Variants in GARNL3 observed in about 807,000 individuals in gnomAD.
GARNL3 encodes the protein GTPase activating Rap/RanGAP domain like 3.
Under a neutral mutation model 125.0 loss-of-function variants are expected in GARNL3, and 63 were observed. The ratio of observed to expected loss-of-function variants is 0.50; its 90% CI spans 0.41 to 0.62. GARNL3 has a LOEUF of 0.62. Ranked by LOEUF, GARNL3 falls within the 20% of genes least tolerant of loss-of-function variation. The pLI is 0.00. For synonymous variants in GARNL3, 439 were observed against 457.5 expected, an observed-to-expected ratio of 0.96 and a Z score of 0.52; for missense variants, 994 against 1,244.0, an observed-to-expected ratio of 0.80 and a Z score of 3.02.
intron 1 of GARNL3, among the ~76,000 whole-genome samples, chr9:127,269,786 G>GTTTTTTGTGT (rs1554896116): frequency 0.022 from 2,882 of 129,778 alleles, 88 homozygotes; most frequent in African/African-American, 0.082. Flanking sequence ...TGTTTTTTGT[G>GTTTTTTGTGT]TTTTTTTTTT....
chr9:127,314,946 T>C (rs1428249155), intron 4 of GARNL3, among the ~76,000 whole-genome samples: 1 of 152,182 alleles, frequency 6.6e-6, no homozygotes, highest in Non-Finnish European at 1.5e-5. Flanking sequence ...TCAGAGAGTG[T>C]TCCAGGTAGA....
intron 22 of GARNL3, chr9:127,367,373 A>C (rs1413486122): frequency 6.6e-6 from 1 of 152,244 alleles, no homozygotes; most frequent in Admixed American, 6.5e-5. Flanking sequence ...TTCTGTATTA[A>C]AAATAAAGCA....
chr9:127,292,982 G>A (rs567136886), intron 2 of GARNL3, among the ~76,000 whole-genome samples: 24 of 152,290 alleles, frequency 1.6e-4, no homozygotes, highest in African/African-American at 4.1e-4. Context: ...AACACAGTCC[G>A]TCTCAAATTG....
chr9:127,278,833 TC>T (rs1376640008), intron 1 of GARNL3, among the ~76,000 whole-genome samples: 2 of 152,130 alleles, frequency 1.3e-5, no homozygotes, highest in African/African-American at 4.8e-5. Context: ...GCGGCGGCAA[TC>T]CTTAACCCCC....
chr9:127,226,938 C>G (rs1040552241), intron 1 of GARNL3, among the ~76,000 whole-genome samples: 1 of 152,214 alleles, frequency 6.6e-6, no homozygotes, highest in Non-Finnish European at 1.5e-5. Context: ...AGCGCTGTCC[C>G]GTGGAACTTT....
chr9:127,360,008 G>GA (rs139476881), intron 21 of GARNL3, among the ~76,000 whole-genome samples: 58,490 of 150,948 alleles, frequency 0.39, 11,605 homozygotes, highest in Middle Eastern at 0.47. Context: ...TTTCCTAAGA[G>GA]AAAAAAAAAT....
chr9:127,345,945 A>T (rs1830113816), intron 16 of GARNL3, among the ~76,000 whole-genome samples: 1 of 152,198 alleles, frequency 6.6e-6, no homozygotes, highest in South Asian at 2.1e-4. Flanking sequence ...ATTCACCCCC[A>T]GAGTTTCTGA....
At chr9:127,382,982 T>G (rs1832347355) in intron 22 of GARNL3, among the ~76,000 whole-genome samples, 1 of 152,124 alleles carries the variant, frequency 6.6e-6, no homozygotes, top group African/African-American at 2.4e-5. Context: ...TTCACAAGTG[T>G]GGGAGACAGT....
chr9:127,323,064 A>G (rs2065451603), intron 6 of GARNL3, among the ~76,000 whole-genome samples: 1 of 152,140 alleles, frequency 6.6e-6, no homozygotes, highest in South Asian at 2.1e-4. Context: ...TGTATGTAAA[A>G]TCACTCTCCC....
At chr9:127,323,950 A>T (rs1390312436) in intron 6 of GARNL3, among the ~76,000 whole-genome samples, 1 of 152,194 alleles carries the variant, frequency 6.6e-6, no homozygotes, top group Non-Finnish European at 1.5e-5. Context: ...ATTTTTTCCC[A>T]GAATTCAGAA....
chr9:127,320,472 A>G (rs1361674256), intron 5 of GARNL3, among the ~76,000 whole-genome samples: 1 of 152,256 alleles, frequency 6.6e-6, no homozygotes, highest in Non-Finnish European at 1.5e-5. Flanking sequence ...AAGAATAGCC[A>G]AGGTTACCTG....
At chr9:127,308,988 C>G (rs1292374138) in intron 2 of GARNL3, among the ~76,000 whole-genome samples, 1 of 152,100 alleles carries the variant, frequency 6.6e-6, no homozygotes, top group Non-Finnish European at 1.5e-5. Context: ...TTACACTGCT[C>G]TTATTCTTGC....
At chr9:127,353,141 A>G (rs576219996) in intron 17 of GARNL3, among the ~76,000 whole-genome samples, 2 of 152,316 alleles carry the variant, frequency 1.3e-5, no homozygotes, top group South Asian at 2.1e-4. Context: ...TGGAAGTGCA[A>G]TGTCTTGAAC....
chr9:127,355,493 A>G lies in GARNL3; in HGVS notation c.1935+21A>G, dbSNP rs555175317. 7 of 1,609,682 alleles carry G rather than the reference A, an allele frequency of 4.3e-6. No homozygotes were observed. The South Asian group carries it at 7.7e-5, about 18-fold the overall frequency. On this transcript the variant is annotated intron_variant, in intron 20 of 27. Transcript: ENST00000373387. ...TCAGGGTAGGTTTGCTCTTTAAATCATTTATCTCCCAACCAAGTTGTCTTG... is the reference window on the plus strand; with the variant it reads ...TCAGGGTAGGTTTGCTCTTTAAATCGTTTATCTCCCAACCAAGTTGTCTTG...
At chr9:127,321,496 C>T (rs1170345045) in intron 6 of GARNL3, among the ~76,000 whole-genome samples, 1 of 152,162 alleles carries the variant, frequency 6.6e-6, no homozygotes, top group Non-Finnish European at 1.5e-5. Context: ...TAGTAGACTG[C>T]GCTGGCTACC....
chr9:127,280,382 CT>C lies in GARNL3; in HGVS notation c.145-10785del, dbSNP rs2064072876. On this transcript the variant is annotated intron_variant, in intron 1 of 27. Transcript: ENST00000373387. The surrounding 1 kb of genome is among the most constrained non-coding windows in gnomAD (Gnocchi z 4.5). Reference sequence around the variant, plus strand: ...AAAAGAGGTGCTTGTACGAGTGAGGCTACCTCAAAATGCAGTGTCCATGCAG... The same window carrying C: ...AAAAGAGGTGCTTGTACGAGTGAGGCACCTCAAAATGCAGTGTCCATGCAG... Among the ~76,000 whole-genome samples the C allele has an allele frequency of 6.6e-6, 1 of 152,200 alleles. No individual in the cohort carries two copies.
chr9:127,227,600 C>CA (rs57134477), intron 1 of GARNL3, among the ~76,000 whole-genome samples: 23,090 of 148,704 alleles, frequency 0.16, 5,505 homozygotes, highest in African/African-American at 0.52. Flanking sequence ...GACTCCGTCT[C>CA]AAAAAAAACA....
chr9:127,340,699 G>C lies in GARNL3; in HGVS notation c.1135+948G>C, dbSNP rs1829816733. On this transcript the variant is annotated intron_variant, in intron 13 of 27. Coordinates refer to ENST00000373387, the MANE Select transcript of GARNL3 (RefSeq NM_032293.5). ...ACCTGGCCTCAAGGAAGCATTGACT[G>C]AGCCCAAAGCCTCACTGAGTCCTAC... is the stretch of plus-strand genomic sequence containing the variant. Among the ~76,000 whole-genome samples, 3 of 151,130 alleles carry C rather than the reference G, an allele frequency of 2.0e-5. No homozygotes were observed. In the South Asian group the frequency reaches 6.3e-4, roughly 32 times the overall value.
chr9:127,323,805 A>T (rs992611368), intron 6 of GARNL3, among the ~76,000 whole-genome samples: 6 of 152,178 alleles, frequency 3.9e-5, no homozygotes, highest in Non-Finnish European at 8.8e-5. Flanking sequence ...AAAAATTAAA[A>T]ATAAAAAAAT....
Sources: allele counts gnomAD v4.1 joint callset (sites outside exome capture counted in the v4.1 genomes callset), GRCh38; gene constraint gnomAD v4.1.1; non-coding constraint Gnocchi (gnomAD v3.1); transcripts MANE v1.5; gene names NCBI Gene and HGNC (gene_info 2026-07-23, HGNC 2026-07-21).